Variants in ATXN1 observed in about 807,000 individuals in gnomAD.
ATXN1 encodes the protein ataxin-1.
Under a neutral mutation model 56.4 loss-of-function variants are expected in ATXN1, and 8 were observed. That is an observed-to-expected ratio of 0.14 (90% CI 0.08 to 0.26). ATXN1 has a LOEUF of 0.26. Ranked by LOEUF, ATXN1 falls within the 10% of genes least tolerant of loss-of-function variation. The probability of loss-of-function intolerance (pLI) is 1.00; values close to 1 mark genes in which losing one functional copy is unlikely to be tolerated. For missense variants in ATXN1, 987 were observed against 1,106.5 expected (o/e 0.89, Z 1.53); for synonymous variants, 514 against 494.6 (o/e 1.04, Z -0.52).
intron 2 of ATXN1, chr6:16,739,216 T>C (rs1009697997): frequency 1.3e-5 from 2 of 151,810 alleles, no homozygotes; most frequent in African/African-American, 4.8e-5. Context: ...CTGTACCACC[T>C]TGAAGCACCC....
chr6:16,629,099 T>C (rs1469625674), intron 3 of ATXN1, among the ~76,000 whole-genome samples: 3 of 88,262 alleles, frequency 3.4e-5, no homozygotes, highest in African/African-American at 2.9e-4. Context: ...AGTGTATAAG[T>C]GTTCCCTTTC....
intron 2 of ATXN1, among the ~76,000 whole-genome samples, chr6:16,731,188 C>T (rs1308835328): frequency 1.3e-5 from 2 of 151,810 alleles, no homozygotes; most frequent in Non-Finnish European, 2.9e-5. Flanking sequence ...TCACAATCCA[C>T]GAGAAGCAGT....
chr6:16,761,063 C>T (rs1761081175), intron 1 of ATXN1: 4 of 297,352 alleles, frequency 1.3e-5, no homozygotes, highest in South Asian at 9.7e-5. Context: ...TATGTACACA[C>T]ATACACACAC....
intron 4 of ATXN1, among the ~76,000 whole-genome samples, chr6:16,540,154 G>A (rs141296755): frequency 2.0e-5 from 3 of 152,226 alleles, no homozygotes; most frequent in Admixed American, 6.5e-5. Context: ...ACAGTGCATT[G>A]GTGAAATCAC....
At chr6:16,505,181 A>C (rs974685280) in intron 5 of ATXN1, among the ~76,000 whole-genome samples, 2 of 152,050 alleles carry the variant, frequency 1.3e-5, no homozygotes, top group African/African-American at 4.8e-5. Context: ...CTGGACACCT[A>C]GGCACACATG....
intron 6 of ATXN1, among the ~76,000 whole-genome samples, chr6:16,429,154 G>C (rs982046253): frequency 6.6e-6 from 1 of 151,988 alleles, no homozygotes; most frequent in African/African-American, 2.4e-5. Flanking sequence ...GAAGAGAGGA[G>C]ACATGAGGGC....
chr6:16,478,359 A>C (rs1220858908), intron 6 of ATXN1, among the ~76,000 whole-genome samples: 1 of 152,204 alleles, frequency 6.6e-6, no homozygotes. Flanking sequence ...TTAATTTGTT[A>C]GTTTCCTGAA....
intron 4 of ATXN1, among the ~76,000 whole-genome samples, chr6:16,536,444 C>G (rs1193911060): frequency 6.6e-6 from 1 of 152,076 alleles, no homozygotes; most frequent in African/African-American, 2.4e-5. Flanking sequence ...TATGGGTGTT[C>G]ACTGTACAAT....
At chr6:16,454,622 G>T (rs1035991660) in intron 6 of ATXN1, among the ~76,000 whole-genome samples, 1 of 152,198 alleles carries the variant, frequency 6.6e-6, no homozygotes. Flanking sequence ...CACAGTACAT[G>T]TAATTGTATT....
At chr6:16,545,469 G>A (rs1447363282) in intron 4 of ATXN1, among the ~76,000 whole-genome samples, 1 of 151,996 alleles carries the variant, frequency 6.6e-6, no homozygotes, top group Non-Finnish European at 1.5e-5. Flanking sequence ...TCAATTCAGG[G>A]TCCTGGTAAT....
chr6:16,577,255 G>T (rs913335908), intron 4 of ATXN1, among the ~76,000 whole-genome samples: 1 of 152,150 alleles, frequency 6.6e-6, no homozygotes, highest in African/African-American at 2.4e-5. Flanking sequence ...CGGGCACGGT[G>T]GCTCATGCCT....
Position 16,304,092 on chromosome 6 carries a change from G to A in ATXN1, c.*2237C>T, listed in dbSNP as rs1180533055. The A allele has an allele frequency of 2.6e-5, 4 of 152,174 alleles. No homozygotes were observed. The highest frequency in any genetic ancestry group is 4.4e-5 in the Non-Finnish European group (3 of 67,998). 9.4% of individuals were successfully genotyped at this position (152,174 alleles called of 1,614,324 possible). The stretch of plus-strand genomic sequence containing the variant: ...ATGTTTTTGGTACACCCCAGAAAAC[G>A]GTTTATAAAAATCATTAGTCCTGGT... On this transcript the variant is annotated 3_prime_UTR_variant, in exon 8 of 8. Transcript: ENST00000436367.
At chr6:16,726,867 A>G (rs1278383983) in intron 2 of ATXN1, among the ~76,000 whole-genome samples, 1 of 152,198 alleles carries the variant, frequency 6.6e-6, no homozygotes, top group South Asian at 2.1e-4. Flanking sequence ...TCAAAAAAAA[A>G]CAAAGAATAA....
At chr6:16,444,434 T>C (rs1759592766) in intron 6 of ATXN1, among the ~76,000 whole-genome samples, 1 of 152,194 alleles carries the variant, frequency 6.6e-6, no homozygotes, top group Admixed American at 6.5e-5. Context: ...CCAAACTGAA[T>C]AGGATCCCAA....
intron 3 of ATXN1, among the ~76,000 whole-genome samples, chr6:16,637,041 G>A (rs889403772): frequency 1.3e-5 from 2 of 152,162 alleles, no homozygotes; most frequent in Non-Finnish European, 2.9e-5. Flanking sequence ...AAAGGCACAT[G>A]CGCACGTATG....
intron 6 of ATXN1, among the ~76,000 whole-genome samples, chr6:16,457,500 CCCTGAA>C (rs1339794453): frequency 1.3e-5 from 2 of 151,926 alleles, no homozygotes; most frequent in African/African-American, 4.8e-5. Flanking sequence ...GTCCCGCAAA[CCCTGAA>C]AAAGAAGCGG....
chr6:16,519,774 C>A (rs1393267177), intron 5 of ATXN1, among the ~76,000 whole-genome samples: 1 of 152,238 alleles, frequency 6.6e-6, no homozygotes. Context: ...ACCCTGCTGA[C>A]CCATTCAGAG....
chr6:16,307,632 C>G (rs1298940779), intron 7 of ATXN1, among the ~76,000 whole-genome samples: 2 of 151,404 alleles, frequency 1.3e-5, no homozygotes, highest in Non-Finnish European at 2.9e-5. Context: ...CGAGATCGTG[C>G]CACTGGGCGA....
chr6:16,480,858 G>T (rs1476555066), intron 6 of ATXN1, among the ~76,000 whole-genome samples: 2 of 152,132 alleles, frequency 1.3e-5, no homozygotes, highest in Non-Finnish European at 2.9e-5. Context: ...GAGGAAGAAG[G>T]TGCTGAGGGG....
Sources: allele counts gnomAD v4.1 joint callset (sites outside exome capture counted in the v4.1 genomes callset), GRCh38; gene constraint gnomAD v4.1.1; transcripts MANE v1.5; gene names NCBI Gene and HGNC (gene_info 2026-07-23, HGNC 2026-07-21).